IL1RAPL2: variants seen among roughly 807,000 people sequenced by gnomAD.
The protein encoded by IL1RAPL2 is interleukin 1 receptor accessory protein like 2.
IL1RAPL2 carries 3 observed loss-of-function variants against 44.1 expected under a neutral mutation model. The observed-to-expected ratio is 0.07, with a 90% CI of 0.03 to 0.18. IL1RAPL2 has a LOEUF of 0.18. Among genes scored for constraint, IL1RAPL2 ranks in the 10% least tolerant of loss-of-function variants. IL1RAPL2 has a pLI of 1.00. For missense variants in IL1RAPL2, 391 were observed against 496.4 expected (o/e 0.79, Z 2.02); for synonymous variants, 181 against 178.8 (o/e 1.01, Z -0.10).
chrX:105,654,076 A>T (rs756927028), intron 6 of IL1RAPL2, among the ~76,000 whole-genome samples: 1 of 111,016 alleles, frequency 9.0e-6, no homozygotes, highest in African/African-American at 3.3e-5. Flanking sequence ...GATGAAAAAG[A>T]AGCCACAGAA....
chrX:105,214,076 A>C (rs1232583656), intron 3 of IL1RAPL2, among the ~76,000 whole-genome samples: 1 of 104,945 alleles, frequency 9.5e-6, no homozygotes, highest in Non-Finnish European at 1.9e-5. Context: ...TGTGCAAAAT[A>C]ACCGGCCAGC....
In IL1RAPL2 at chrX:104,676,001, G is replaced by A. The variant is rs748692242; in HGVS notation, c.82+17006G>A. ...TTTGAGTCTATGTGTGTCTCTGCAC[G>A]TGAGATGGGTTTCCTGAATTCAGCA... On this transcript the variant is annotated intron_variant, in intron 2 of 10. Transcript: ENST00000372582. Among the ~76,000 whole-genome samples, 802 of 106,686 alleles carry A rather than the reference G, an allele frequency of 7.5e-3. 12 individuals are homozygous for A. Among genetic ancestry groups the A allele is most frequent in the African/African-American group, 0.026 (778 of 29,566 alleles). The allele number at this position is 106,686 out of a possible 115,157, so 92.6% of individuals were successfully genotyped here.
chrX:105,756,010 A>G (rs2038635273), intron 10 of IL1RAPL2, among the ~76,000 whole-genome samples: 1 of 111,960 alleles, frequency 8.9e-6, no homozygotes, highest in African/African-American at 3.2e-5. Flanking sequence ...ACACATACAC[A>G]GTAAAGTATA....
At chrX:105,655,169 C>T (rs985534340) in intron 6 of IL1RAPL2, among the ~76,000 whole-genome samples, 19 of 112,417 alleles carry the variant, frequency 1.7e-4, no homozygotes, top group African/African-American at 5.8e-4. Context: ...AGGTCATACA[C>T]TTGATCTGTT....
intron 5 of IL1RAPL2, among the ~76,000 whole-genome samples, chrX:105,377,283 C>T: frequency 9.0e-6 from 1 of 110,727 alleles, no homozygotes; most frequent in African/African-American, 3.3e-5. Flanking sequence ...CCTGTAATTT[C>T]ATTACATGGG....
intron 2 of IL1RAPL2, among the ~76,000 whole-genome samples, chrX:104,945,598 G>A (rs1478132339): frequency 4.5e-5 from 5 of 111,878 alleles, no homozygotes; most frequent in African/African-American, 9.7e-5. Flanking sequence ...AGGGCAATGC[G>A]TGTCTTTACA....
At chrX:104,627,394 A>C (rs1480589858) in intron 1 of IL1RAPL2, among the ~76,000 whole-genome samples, 1 of 107,213 alleles carries the variant, frequency 9.3e-6, no homozygotes, top group Non-Finnish European at 1.9e-5. Context: ...ATGACGAGTT[A>C]ATGGGTGCAG....
In IL1RAPL2 at chrX:105,223,778, G is replaced by T. The variant is rs191373618; in HGVS notation, c.357-10040G>T. On this transcript the variant is annotated intron_variant, in intron 3 of 10. Transcript: ENST00000372582. ...GTTAACCAATTGTATTAATATATGAGAAATAAATATGGGTGTTGGAGCGGA... is the reference window on the plus strand; with the variant it reads ...GTTAACCAATTGTATTAATATATGATAAATAAATATGGGTGTTGGAGCGGA... Among the ~76,000 whole-genome samples, 194 of 111,408 alleles carry T rather than the reference G, an allele frequency of 1.7e-3. 1 individual carries two copies. Among genetic ancestry groups the T allele is most frequent in the Admixed American group, 3.3e-3 (34 of 10,366 alleles).
At chrX:105,397,500 T>G (rs2035572731) in intron 5 of IL1RAPL2, among the ~76,000 whole-genome samples, 1 of 110,797 alleles carries the variant, frequency 9.0e-6, no homozygotes, top group Admixed American at 9.7e-5. Context: ...AAAGAGGGAG[T>G]GACAGCTAGA....
At chrX:104,743,193 T>G (rs1255009466) in intron 2 of IL1RAPL2, among the ~76,000 whole-genome samples, 6 of 111,191 alleles carry the variant, frequency 5.4e-5, no homozygotes, top group African/African-American at 2.0e-4. Context: ...TCCGAGTGCT[T>G]CTTTTCAATG....
chrX:105,614,661 T>A (rs1461080803), intron 6 of IL1RAPL2, among the ~76,000 whole-genome samples: 1 of 111,536 alleles, frequency 9.0e-6, no homozygotes, highest in Non-Finnish European at 1.9e-5. Context: ...CATATCTCTC[T>A]CCTTATACAA....
chrX:104,576,189 C>T (rs1041164753), intron 1 of IL1RAPL2, among the ~76,000 whole-genome samples: 10 of 111,068 alleles, frequency 9.0e-5, no homozygotes, highest in African/African-American at 2.0e-4. Flanking sequence ...AACTGAGACA[C>T]GAGTTCAGTA....
chrX:104,811,733 A>G (rs776281283), intron 2 of IL1RAPL2, among the ~76,000 whole-genome samples: 1 of 111,166 alleles, frequency 9.0e-6, no homozygotes, highest in East Asian at 2.9e-4. Flanking sequence ...GTGACTCAAA[A>G]GAAGCAGTGT....
chrX:105,725,082 A>AAT, intron 7 of IL1RAPL2, among the ~76,000 whole-genome samples: 1 of 111,647 alleles, frequency 9.0e-6, no homozygotes, highest in Admixed American at 9.5e-5. Flanking sequence ...AATAAGAAAT[A>AAT]ATAGTATTAT....
intron 10 of IL1RAPL2, among the ~76,000 whole-genome samples, chrX:105,763,982 C>T (rs1169662649): frequency 9.0e-6 from 1 of 111,616 alleles, no homozygotes; most frequent in Non-Finnish European, 1.9e-5. Context: ...GACTCTAGTG[C>T]ATATGATTAA....
At chrX:105,417,408 G>T (rs1259230533) in intron 5 of IL1RAPL2, among the ~76,000 whole-genome samples, 2 of 112,695 alleles carry the variant, frequency 1.8e-5, no homozygotes, top group East Asian at 2.8e-4. Flanking sequence ...GGGAGGCAGA[G>T]GTTGCAGCGA....
chrX:104,808,015 A>G (rs1295229034), intron 2 of IL1RAPL2, among the ~76,000 whole-genome samples: 1 of 112,171 alleles, frequency 8.9e-6, no homozygotes, highest in Non-Finnish European at 1.9e-5. Context: ...TGTCATTTCC[A>G]CAAATTATTT....
intron 2 of IL1RAPL2, among the ~76,000 whole-genome samples, chrX:104,863,550 A>G (rs867546894): frequency 5.6e-4 from 63 of 112,321 alleles, no homozygotes; most frequent in African/African-American, 2.0e-3. Context: ...GGAATAAGTT[A>G]AGAACCAGGG....
intron 2 of IL1RAPL2, among the ~76,000 whole-genome samples, chrX:104,971,692 G>A (rs991449514): frequency 9.0e-6 from 1 of 110,962 alleles, no homozygotes; most frequent in African/African-American, 3.3e-5. Flanking sequence ...AATATTTTAG[G>A]GTTTCAGTTA....
Sources: allele counts gnomAD v4.1 joint callset (sites outside exome capture counted in the v4.1 genomes callset), GRCh38; gene constraint gnomAD v4.1.1; transcripts MANE v1.5; gene names NCBI Gene and HGNC (gene_info 2026-07-23, HGNC 2026-07-21).